ASTN2: variants seen among roughly 807,000 people sequenced by gnomAD.
ASTN2 encodes astrotactin-2.
ASTN2 carries 54 observed loss-of-function variants against 139.8 expected under a neutral mutation model. The ratio of observed to expected loss-of-function variants is 0.39; its 90% CI spans 0.31 to 0.48. The LOEUF (loss-of-function observed/expected upper bound fraction) is 0.48. Ranked by LOEUF, ASTN2 falls within the 20% of genes least tolerant of loss-of-function variation. The probability of loss-of-function intolerance (pLI) is 0.95; values close to 1 mark genes in which losing one functional copy is unlikely to be tolerated. For synonymous variants in ASTN2, 756 were observed against 719.5 expected (o/e 1.05, Z -0.81); for missense variants, 1,565 against 1,725.1 (o/e 0.91, Z 1.64).
intron 1 of ASTN2, among the ~76,000 whole-genome samples, chr9:117,327,952 T>C (rs1402687892): frequency 6.6e-6 from 1 of 152,098 alleles, no homozygotes. Context: ...TCAATAACTG[T>C]TTGTTCTATC....
At chr9:116,488,454 G>T (rs144464140) in intron 19 of ASTN2, among the ~76,000 whole-genome samples, 1,776 of 152,074 alleles carry the variant, frequency 0.012, 26 homozygotes, top group Non-Finnish European at 0.014. Context: ...TAAAAATACA[G>T]ATATGAACAA....
intron 16 of ASTN2, among the ~76,000 whole-genome samples, chr9:116,718,972 G>GTGTATATATATATATATATATATATA (rs56991546): frequency 1.2e-4 from 12 of 100,008 alleles, no homozygotes; most frequent in East Asian, 3.3e-4. Context: ...ACCTGTATCT[G>GTGTATATATATATATATATATATATA]TACATATATA....
At chr9:116,794,096 C>T (rs1382616789) in intron 13 of ASTN2, among the ~76,000 whole-genome samples, 4 of 123,828 alleles carry the variant, frequency 3.2e-5, no homozygotes, top group East Asian at 4.9e-4. Context: ...AAATAAACAC[C>T]TTTTTTTTTT....
At chr9:116,518,459 G>A (rs2119220784) in intron 19 of ASTN2, among the ~76,000 whole-genome samples, 1 of 152,184 alleles carries the variant, frequency 6.6e-6, no homozygotes, top group Admixed American at 6.5e-5. Flanking sequence ...AACAAATGCT[G>A]ACAGAATTCA....
At chr9:116,481,355 C>A (rs1040851) in intron 20 of ASTN2, among the ~76,000 whole-genome samples, 76,264 of 151,996 alleles carry the variant, frequency 0.5, 20,600 homozygotes, top group East Asian at 0.63. Flanking sequence ...CCTCCAGAAC[C>A]TCAGTGACAG....
intron 6 of ASTN2, among the ~76,000 whole-genome samples, chr9:117,021,074 AC>A (rs1837864966): frequency 6.6e-6 from 1 of 152,050 alleles, no homozygotes; most frequent in Admixed American, 6.6e-5. Flanking sequence ...TGCCTGGCTA[AC>A]TTTTAAATTT....
At chr9:117,115,686 T>C (rs1292287015) in intron 4 of ASTN2, among the ~76,000 whole-genome samples, 4 of 152,212 alleles carry the variant, frequency 2.6e-5, no homozygotes, top group South Asian at 4.1e-4. Context: ...GAATGCCTAC[T>C]ACATATTAAG....
At chr9:116,565,427 A>ATTTATTTATTTATT (rs1554714242) in intron 19 of ASTN2, among the ~76,000 whole-genome samples, 13 of 73,998 alleles carry the variant, frequency 1.8e-4, no homozygotes, top group African/African-American at 7.2e-4. Context: ...ATATATATAT[A>ATTTATTTATTTATT]TATTTATTTA....
At chr9:116,748,464 A>G (rs1353922841) in intron 13 of ASTN2, among the ~76,000 whole-genome samples, 1 of 152,218 alleles carries the variant, frequency 6.6e-6, no homozygotes, top group East Asian at 1.9e-4. Flanking sequence ...GCAGAAGCCC[A>G]TATCCCTGTA....
chr9:117,077,993 TA>T (rs1828325243), intron 5 of ASTN2, among the ~76,000 whole-genome samples: 1 of 152,218 alleles, frequency 6.6e-6, no homozygotes, highest in Admixed American at 6.5e-5. Flanking sequence ...TGCTGACCTG[TA>T]ATATGCACCC....
intron 1 of ASTN2, among the ~76,000 whole-genome samples, chr9:117,389,324 T>G (rs1411830039): frequency 6.6e-6 from 1 of 152,142 alleles, no homozygotes; most frequent in Non-Finnish European, 1.5e-5. Context: ...CAAACCTAAT[T>G]GCATTACACT....
chr9:117,057,417 C>T (rs1839094183), intron 5 of ASTN2, among the ~76,000 whole-genome samples: 1 of 152,120 alleles, frequency 6.6e-6, no homozygotes, highest in Non-Finnish European at 1.5e-5. Flanking sequence ...AACTCAGGTG[C>T]TACACACACC....
At chr9:117,296,269 C>A (rs1408301541) in intron 1 of ASTN2, among the ~76,000 whole-genome samples, 1 of 81,360 alleles carries the variant, frequency 1.2e-5, no homozygotes, top group African/African-American at 5.1e-5. Context: ...CAGAGTGAGA[C>A]TGCATCTCAA....
At chr9:116,633,204 G>C (rs1209271822) in intron 17 of ASTN2, among the ~76,000 whole-genome samples, 2 of 152,212 alleles carry the variant, frequency 1.3e-5, no homozygotes, top group East Asian at 1.9e-4. Context: ...TAACTCTAGG[G>C]AGAAGACATA....
chr9:116,953,635 A>AT (rs1835626104), intron 10 of ASTN2, among the ~76,000 whole-genome samples: 3 of 152,114 alleles, frequency 2.0e-5, no homozygotes, highest in African/African-American at 7.2e-5. Flanking sequence ...AGAATATTTG[A>AT]TTTTTTGTTT....
chr9:116,874,705 C>T (rs749647351), intron 10 of ASTN2, among the ~76,000 whole-genome samples: 1 of 152,114 alleles, frequency 6.6e-6, no homozygotes, highest in Non-Finnish European at 1.5e-5. Context: ...CAGCACTCAC[C>T]CCTGGAGTTG....
At chr9:116,434,071 G>C (rs1230200984) in intron 22 of ASTN2, among the ~76,000 whole-genome samples, 4 of 151,940 alleles carry the variant, frequency 2.6e-5, no homozygotes, top group Non-Finnish European at 4.4e-5. Context: ...AGTGTGTTTT[G>C]TTAGTATTAG....
chr9:116,505,051 T>A (rs978498326), intron 19 of ASTN2, among the ~76,000 whole-genome samples: 1 of 152,010 alleles, frequency 6.6e-6, no homozygotes, highest in African/African-American at 2.4e-5. Context: ...TTGACTATTA[T>A]GAGGGAAGAG....
intron 13 of ASTN2, among the ~76,000 whole-genome samples, chr9:116,740,603 C>G (rs1413614448): frequency 6.6e-6 from 1 of 151,964 alleles, no homozygotes; most frequent in Non-Finnish European, 1.5e-5. Context: ...AGCTCCGCCT[C>G]CCGGGTTCAC....
Sources: gnomAD v4.1 joint callset for allele counts (sites outside exome capture counted in the v4.1 genomes callset) on GRCh38, gnomAD v4.1.1 for gene constraint, MANE v1.5 for transcripts, NCBI Gene and HGNC (gene_info 2026-07-23, HGNC 2026-07-21) for gene names.